RTN4: variants seen among roughly 807,000 people sequenced by gnomAD.
The protein encoded by RTN4 is reticulon 4, also known as reticulon-4.
In RTN4, 32 loss-of-function variants were observed where a neutral mutation model predicts 90.4. The observed-to-expected ratio is 0.35, with a 90% CI of 0.27 to 0.48. The LOEUF is 0.48. RTN4 is among the 20% of genes least tolerant of loss of function. RTN4 has a pLI of 0.99. For synonymous variants in RTN4, 629 were observed against 552.5 expected (o/e 1.14, Z -1.94); for missense variants, 1,706 against 1,430.2 (o/e 1.19, Z -3.11).
the RTN4 span, among the ~76,000 whole-genome samples, chr2:55,130,474 G>C: frequency 6.6e-6 from 1 of 152,174 alleles, no homozygotes; most frequent in Non-Finnish European, 1.5e-5. Flanking sequence ...ATTGGGCTGG[G>C]TGTGGTGGCT....
chr2:54,980,155 T>G (rs932410365), intron 5 of RTN4, among the ~76,000 whole-genome samples: 1 of 152,178 alleles, frequency 6.6e-6, no homozygotes, highest in African/African-American at 2.4e-5. Flanking sequence ...AATAACATAA[T>G]TGCTTTTACA....
intron 2 of RTN4, among the ~76,000 whole-genome samples, chr2:55,065,020 G>A (rs1668365336): frequency 6.6e-6 from 1 of 152,124 alleles, no homozygotes; most frequent in Non-Finnish European, 1.5e-5. Flanking sequence ...CCCCAAATAA[G>A]CCAGTAAGCA....
rs779987051 is a variant in RTN4, at chr2:54,973,633, G to A, written c.3478-12C>T. ...TGATCTATCTGTGCCTGAAAGAGAG[G>A]TATAAAGGAATTATTACCGTTGCTA... On this transcript the variant is annotated splice_polypyrimidine_tract_variant and intron_variant, in intron 7 of 8. Transcript: ENST00000337526. 1.9e-6 allele frequency: 3 copies of A among 1,602,620 alleles called. No homozygotes were observed. The highest frequency in any genetic ancestry group is 1.7e-4 in the Middle Eastern group (1 of 6,040).
chr2:55,060,447 T>C (rs1416664880), intron 2 of RTN4, among the ~76,000 whole-genome samples: 1 of 152,252 alleles, frequency 6.6e-6, no homozygotes, highest in African/African-American at 2.4e-5. Flanking sequence ...GGATTCCCAA[T>C]GTCAGTGGAA....
At chr2:55,099,402 T>A (rs1051855686) in intron 1 of RTN4, among the ~76,000 whole-genome samples, 2 of 152,084 alleles carry the variant, frequency 1.3e-5, no homozygotes, top group Non-Finnish European at 2.9e-5. Context: ...TTTAAGTTGG[T>A]TCTGCTGTCC....
chr2:55,028,940 T>C (rs1443711417), intron 1 of RTN4, among the ~76,000 whole-genome samples: 1 of 152,196 alleles, frequency 6.6e-6, no homozygotes. Context: ...TTAATCACTG[T>C]ATGTTACAGA....
At chr2:54,998,306 T>G (rs1289323354) in intron 3 of RTN4, among the ~76,000 whole-genome samples, 2 of 152,078 alleles carry the variant, frequency 1.3e-5, no homozygotes, top group Non-Finnish European at 2.9e-5. Flanking sequence ...TTCAACATAC[T>G]TCTCTACTAG....
chr2:54,975,835 C>G (rs1005524671), intron 5 of RTN4, among the ~76,000 whole-genome samples: 2 of 152,204 alleles, frequency 1.3e-5, no homozygotes, highest in African/African-American at 4.8e-5. Flanking sequence ...TAGCAACACT[C>G]TGGTCACCCT....
chr2:55,049,716 G>T (rs1162183681), intron 1 of RTN4, 29 bp downstream of exon 1: 1 of 1,404,266 alleles, frequency 7.1e-7, no homozygotes, highest in African/African-American at 1.5e-5. Flanking sequence ...CGCGAGGGGC[G>T]GCGCGAAGCG....
At chr2:54,982,075 G>C (rs578121077) in intron 5 of RTN4, among the ~76,000 whole-genome samples, 1 of 152,122 alleles carries the variant, frequency 6.6e-6, no homozygotes, top group African/African-American at 2.4e-5. Flanking sequence ...CTGTGCCTCA[G>C]CTTCCTGAGT....
the RTN4 span, among the ~76,000 whole-genome samples, chr2:55,122,309 G>A: frequency 3.9e-5 from 6 of 152,078 alleles, no homozygotes; most frequent in Non-Finnish European, 8.8e-5. Context: ...ACATGTTCCT[G>A]ATTTTTACAG....
chr2:55,028,787 C>CA (rs34218690), intron 1 of RTN4, among the ~76,000 whole-genome samples: 76 of 147,824 alleles, frequency 5.1e-4, no homozygotes, highest in East Asian at 2.1e-3. Context: ...GTCCAAAATA[C>CA]AAAAAAAAAA....
chr2:55,082,009 A>G (rs562501191), intron 1 of RTN4, among the ~76,000 whole-genome samples: 2 of 152,290 alleles, frequency 1.3e-5, no homozygotes, highest in South Asian at 4.1e-4. Flanking sequence ...TTTAAATATA[A>G]CAGCCATTTG....
intron 3 of RTN4, among the ~76,000 whole-genome samples, chr2:55,022,244 C>A (rs1354784857): frequency 6.6e-6 from 1 of 152,152 alleles, no homozygotes; most frequent in African/African-American, 2.4e-5. Flanking sequence ...CCGATTACTC[C>A]TTGCTCTTCA....
At chr2:55,013,514 T>A (rs779247933) in intron 3 of RTN4, among the ~76,000 whole-genome samples, 19 of 149,704 alleles carry the variant, frequency 1.3e-4, no homozygotes, top group Non-Finnish European at 2.4e-4. Context: ...ACTTACCTGT[T>A]AAGTAGGAAA....
At chr2:54,985,799 G>T (rs539211778) in intron 4 of RTN4, among the ~76,000 whole-genome samples, 3 of 152,244 alleles carry the variant, frequency 2.0e-5, no homozygotes, top group East Asian at 1.9e-4. Context: ...TCATGTTGTA[G>T]GTAGGTACAT....
chr2:55,095,152 G>A lies in RTN4; in HGVS notation c.-213-14513C>T, dbSNP rs142555906. Among the ~76,000 whole-genome samples the A allele has an allele frequency of 4.7e-3, 713 of 152,096 alleles. 3 individuals are homozygous for A. The highest frequency in any genetic ancestry group is 0.015 in the African/African-American group (602 of 41,494). Reference sequence around the variant, plus strand: ...AGCCTGGCCAAAATGGTGAAACCCCGTCTGTACTTAAAATACAAAAATCAG... The same window carrying A: ...AGCCTGGCCAAAATGGTGAAACCCCATCTGTACTTAAAATACAAAAATCAG... On this transcript the variant is annotated intron_variant, in intron 1 of 3. Coordinates refer to the RTN4 transcript ENST00000427710.
Position 54,972,320 on chromosome 2 carries a change from A to ATGT in RTN4, c.*833_*835dup, listed in dbSNP as rs1677099694. The ATGT allele has an allele frequency of 2.0e-5, 3 of 152,670 alleles. No individual in the cohort carries two copies. The highest frequency in any genetic ancestry group is 7.2e-5 in the African/African-American group (3 of 41,468). The allele number at this position is 152,670 out of a possible 1,614,324, so 9.5% of individuals were successfully genotyped here. A position where few individuals can be genotyped will look rare whatever the true frequency, so the allele number is the denominator to read the frequency against. Reference sequence around the variant, plus strand: ...GTAATTAATAATTTCTTGCATAACAATGTTTGATATTTGCAAACAAACAAC... The same window carrying ATGT: ...GTAATTAATAATTTCTTGCATAACAATGTTGTTTGATATTTGCAAACAAACAAC... On this transcript the variant is annotated 3_prime_UTR_variant, in exon 9 of 9. Coordinates refer to ENST00000337526, the MANE Select transcript of RTN4 (RefSeq NM_020532.5).
At chr2:55,125,818 T>C in the RTN4 span, among the ~76,000 whole-genome samples, 1 of 151,820 alleles carries the variant, frequency 6.6e-6, no homozygotes, top group Non-Finnish European at 1.5e-5. Context: ...TCACAGCACT[T>C]TGGGAGGCCG....
Sources: gnomAD v4.1 joint callset for allele counts (sites outside exome capture counted in the v4.1 genomes callset) on GRCh38, gnomAD v4.1.1 for gene constraint, MANE v1.5 for transcripts, NCBI Gene and HGNC (gene_info 2026-07-23, HGNC 2026-07-21) for gene names.